Variants in C1orf94 observed in about 807,000 individuals in gnomAD.
C1orf94 encodes the protein uncharacterized protein C1orf94.
In C1orf94, 45 loss-of-function variants were observed where a neutral mutation model predicts 53.6. The observed-to-expected ratio is 0.84, with a 90% CI of 0.66 to 1.08. The LOEUF is 1.08. Among genes scored for constraint, C1orf94 ranks in the 50% least tolerant of loss-of-function variants. The pLI is 0.00. For synonymous variants in C1orf94, 304 were observed against 296.1 expected (o/e 1.03, Z -0.27); for missense variants, 762 against 738.9 (o/e 1.03, Z -0.36).
chr1:34,214,902 G>A (rs899807836), intron 6 of C1orf94, among the ~76,000 whole-genome samples: 1 of 152,168 alleles, frequency 6.6e-6, no homozygotes, highest in Non-Finnish European at 1.5e-5. Flanking sequence ...AATAATGTAA[G>A]GGATGCAAGC....
chr1:34,217,638 C>A (rs1435326165), intron 6 of C1orf94, among the ~76,000 whole-genome samples: 1 of 152,280 alleles, frequency 6.6e-6, no homozygotes, highest in East Asian at 1.9e-4. Flanking sequence ...AGTGAGACAA[C>A]CCAGCCCAAC....
intron 1 of C1orf94, among the ~76,000 whole-genome samples, chr1:34,196,742 T>A (rs923644682): frequency 1.3e-5 from 2 of 152,170 alleles, no homozygotes; most frequent in Non-Finnish European, 2.9e-5. Context: ...TCCACCATTC[T>A]GCAGTGAGGT....
intron 5 of C1orf94, among the ~76,000 whole-genome samples, chr1:34,211,130 G>A (rs1392534079): frequency 2.6e-5 from 4 of 152,076 alleles, no homozygotes; most frequent in Admixed American, 6.5e-5. Context: ...AGCTCCGTAT[G>A]AGAAAAGGTT....
At chr1:34,217,376 A>T (rs1052436701) in intron 6 of C1orf94, among the ~76,000 whole-genome samples, 1 of 152,200 alleles carries the variant, frequency 6.6e-6, no homozygotes, top group Non-Finnish European at 1.5e-5. Flanking sequence ...TTGATTACTG[A>T]TAATTGTTAA....
chr1:34,199,743 T>A (rs946998092), intron 2 of C1orf94, among the ~76,000 whole-genome samples: 25 of 152,208 alleles, frequency 1.6e-4, no homozygotes, highest in Non-Finnish European at 2.1e-4. Flanking sequence ...ATGCTCAGTC[T>A]CTTTAGTGAG....
intron 4 of C1orf94, among the ~76,000 whole-genome samples, chr1:34,206,371 T>C (rs550392600): frequency 3.9e-5 from 6 of 152,250 alleles, no homozygotes; most frequent in African/African-American, 1.4e-4. Context: ...AAGATTCCCA[T>C]AGGGAAGCTC....
intron 4 of C1orf94, 52 bp downstream of exon 4, chr1:34,202,311 C>T (rs1642724699): frequency 1.3e-6 from 2 of 1,584,364 alleles, no homozygotes; most frequent in Non-Finnish European, 1.7e-6. Flanking sequence ...GTTTTGGCCA[C>T]AGAGAAGGAG....
chr1:34,182,384 T>A (rs1459127163), intron 1 of C1orf94, among the ~76,000 whole-genome samples: 1 of 152,042 alleles, frequency 6.6e-6, no homozygotes, highest in Non-Finnish European at 1.5e-5. Flanking sequence ...ATTCCACATG[T>A]TATGGAACAC....
chr1:34,210,625 T>C (rs546766543), intron 5 of C1orf94, among the ~76,000 whole-genome samples: 1 of 152,248 alleles, frequency 6.6e-6, no homozygotes, highest in Middle Eastern at 3.4e-3. Flanking sequence ...CCGGGCACAT[T>C]TTAAGCAGTC....
upstream of C1orf94, among the ~76,000 whole-genome samples, chr1:34,174,861 C>G (rs1054054874): frequency 6.6e-6 from 1 of 152,222 alleles, no homozygotes; most frequent in African/African-American, 2.4e-5. Flanking sequence ...AACTCAGAAT[C>G]TGAACCCAGG....
upstream of C1orf94, among the ~76,000 whole-genome samples, chr1:34,176,827 C>T (rs1217094200): frequency 6.6e-6 from 1 of 152,192 alleles, no homozygotes; most frequent in African/African-American, 2.4e-5. Context: ...TTCTGATCCC[C>T]CGAAGCGCTC....
At chr1:34,207,971 G>A (rs1642825637) in intron 4 of C1orf94, among the ~76,000 whole-genome samples, 186 bp from the exon 5 acceptor site, 1 of 152,148 alleles carries the variant, frequency 6.6e-6, no homozygotes, top group Admixed American at 6.5e-5. Context: ...TGCCTAAGAG[G>A]GGCTTCCTGT....
chr1:34,197,805 C>A lies in C1orf94; in HGVS notation c.901C>A (p.Pro301Thr). 1 of 1,614,242 alleles carries A rather than the reference C, an allele frequency of 6.2e-7. No homozygotes were observed. The change falls in exon 2 of 7, where the codon CCT (proline) becomes ACT (threonine). Residue 301 changes from proline (P) to threonine (T), a missense_variant. Physicochemically the swap from Pro to Thr is conservative, Grantham distance 38. Transcript: ENST00000488417. The surrounding 1 kb of genome is among the most constrained non-coding windows in gnomAD (Gnocchi z 4.1). ...GCCTCCCCGACCTCCTCCTGCACGT[C>A]CTGACAAGCTCCCTGAGCTCCCTGC... ...LLPPRPPPAR[P>T]DKLPELPAQK...
At chr1:34,216,142 G>A (rs541803727) in intron 6 of C1orf94, among the ~76,000 whole-genome samples, 73 of 152,348 alleles carry the variant, frequency 4.8e-4, no homozygotes, top group Admixed American at 8.5e-4. Flanking sequence ...AGACAGATGG[G>A]TGGAGCTATG....
chr1:34,211,854 A>G (rs755292753), intron 5 of C1orf94, among the ~76,000 whole-genome samples: 27 of 152,130 alleles, frequency 1.8e-4, no homozygotes, highest in Non-Finnish European at 3.2e-4. Flanking sequence ...AGCTTTTGAG[A>G]TGGTTATTGA....
intron 1 of C1orf94, among the ~76,000 whole-genome samples, chr1:34,184,446 A>C (rs75715510): frequency 0.014 from 2,072 of 152,284 alleles, 53 homozygotes; most frequent in African/African-American, 0.047. Context: ...TGTCATAACA[A>C]ACTTGGTCTG....
At chr1:34,201,591 T>C (rs1642707917) in intron 3 of C1orf94, among the ~76,000 whole-genome samples, 2 of 152,248 alleles carry the variant, frequency 1.3e-5, no homozygotes, top group Admixed American at 6.5e-5. Flanking sequence ...TTTTAAAATA[T>C]AATTTTTAAA....
intron 2 of C1orf94, among the ~76,000 whole-genome samples, chr1:34,200,421 A>G (rs570983956): frequency 6.6e-6 from 1 of 152,320 alleles, no homozygotes; most frequent in East Asian, 1.9e-4. Context: ...GAAGGGGTGG[A>G]TGGATGGAAG....
intron 2 of C1orf94, among the ~76,000 whole-genome samples, chr1:34,198,940 G>A (rs1642647586): frequency 6.6e-6 from 1 of 152,192 alleles, no homozygotes. Flanking sequence ...TCTCCAGAAG[G>A]GACCCATAGA....
Sources: gnomAD v4.1 joint callset for allele counts (sites outside exome capture counted in the v4.1 genomes callset) on GRCh38, gnomAD v4.1.1 for gene constraint, Gnocchi (gnomAD v3.1) non-coding constraint, MANE v1.5 for transcripts, NCBI Gene and HGNC (gene_info 2026-07-23, HGNC 2026-07-21) for gene names.